The following DNAJC1 variants were observed in gnomAD, a reference collection of about 807,000 sequenced individuals.
DNAJC1 encodes DnaJ heat shock protein family (Hsp40) member C1.
Under a neutral mutation model 76.6 loss-of-function variants are expected in DNAJC1, and 58 were observed. The observed-to-expected ratio is 0.76, with a 90% CI of 0.61 to 0.94. The LOEUF is 0.94. Among genes scored for constraint, DNAJC1 ranks in the 40% least tolerant of loss-of-function variants. DNAJC1 has a pLI of 0.00. For missense variants in DNAJC1, 689 were observed against 677.3 expected, an observed-to-expected ratio of 1.02 and a Z score of -0.19; for synonymous variants, 258 against 267.9, an observed-to-expected ratio of 0.96 and a Z score of 0.36.
At chr10:21,899,717 G>C (rs1836614149) in intron 7 of DNAJC1, among the ~76,000 whole-genome samples, 1 of 152,218 alleles carries the variant, frequency 6.6e-6, no homozygotes, top group Non-Finnish European at 1.5e-5. Flanking sequence ...AATGGGATCA[G>C]GGACCTACTT....
intron 8 of DNAJC1, among the ~76,000 whole-genome samples, chr10:21,819,037 A>G (rs986140187): frequency 3.9e-5 from 6 of 152,232 alleles, no homozygotes; most frequent in Non-Finnish European, 8.8e-5. Flanking sequence ...GACTAACATG[A>G]CACTAATAGA....
At chr10:21,813,026 T>TAC (rs149245778) in intron 8 of DNAJC1, among the ~76,000 whole-genome samples, 35,113 of 132,090 alleles carry the variant, frequency 0.27, 5,519 homozygotes, top group African/African-American at 0.47. Context: ...TACACACACA[T>TAC]ACACACACAC....
At chr10:21,941,708 T>C (rs1223856076) in intron 1 of DNAJC1, among the ~76,000 whole-genome samples, 1 of 152,178 alleles carries the variant, frequency 6.6e-6, no homozygotes, top group Non-Finnish European at 1.5e-5. Flanking sequence ...TGATTTGTGA[T>C]TTGTAATATA....
At chr10:21,802,231 C>T (rs183967171) in intron 9 of DNAJC1, among the ~76,000 whole-genome samples, 1 of 152,130 alleles carries the variant, frequency 6.6e-6, no homozygotes, top group South Asian at 2.1e-4. Flanking sequence ...GAAACTGGTA[C>T]AGCGGCAGTG....
At chr10:21,906,634 T>C (rs1168305428) in intron 6 of DNAJC1, among the ~76,000 whole-genome samples, 5 of 152,092 alleles carry the variant, frequency 3.3e-5, no homozygotes, top group Non-Finnish European at 5.9e-5. Context: ...CAGTGAAATA[T>C]GGTGATTAAG....
intron 9 of DNAJC1, among the ~76,000 whole-genome samples, chr10:21,772,290 T>TTTTTA (rs1345208375): frequency 1.3e-5 from 2 of 150,564 alleles, no homozygotes; most frequent in Non-Finnish European, 3.0e-5. Context: ...TTTTTTTTTT[T>TTTTTA]TTTGAGAGCA....
At chr10:21,999,686 C>T (rs1033874511) in intron 1 of DNAJC1, among the ~76,000 whole-genome samples, 1 of 152,004 alleles carries the variant, frequency 6.6e-6, no homozygotes, top group Non-Finnish European at 1.5e-5. Flanking sequence ...AACTCCTGAC[C>T]TCGTGATCCA....
intron 1 of DNAJC1, among the ~76,000 whole-genome samples, chr10:21,932,938 G>A (rs1026436365): frequency 3.9e-5 from 6 of 152,076 alleles, no homozygotes; most frequent in African/African-American, 1.4e-4. Flanking sequence ...ATGGGGTAAG[G>A]GGTAGCAATT....
At chr10:21,943,216 G>T (rs574521919) in intron 1 of DNAJC1, among the ~76,000 whole-genome samples, 1 of 151,568 alleles carries the variant, frequency 6.6e-6, no homozygotes, top group South Asian at 2.1e-4. Flanking sequence ...AACAGAAAAA[G>T]AACAATTAAA....
At chr10:21,790,660 C>G (rs1407542111) in intron 9 of DNAJC1, among the ~76,000 whole-genome samples, 2 of 152,104 alleles carry the variant, frequency 1.3e-5, no homozygotes, top group African/African-American at 4.8e-5. Flanking sequence ...AGTCCTGCAT[C>G]TGGCAGCAAA....
chr10:21,801,815 G>A (rs1834818146), intron 9 of DNAJC1, among the ~76,000 whole-genome samples: 1 of 152,182 alleles, frequency 6.6e-6, no homozygotes, highest in South Asian at 2.1e-4. Flanking sequence ...CCACAAAAAA[G>A]AATGAGCTCA....
intron 1 of DNAJC1, among the ~76,000 whole-genome samples, chr10:21,947,283 G>T (rs1218486984): frequency 1.3e-5 from 2 of 152,050 alleles, no homozygotes; most frequent in Non-Finnish European, 2.9e-5. Context: ...TTGAACACCA[G>T]GAGTTTGATC....
At chr10:21,827,823 A>G (rs964575067) in intron 8 of DNAJC1, among the ~76,000 whole-genome samples, 1 of 152,224 alleles carries the variant, frequency 6.6e-6, no homozygotes, top group Non-Finnish European at 1.5e-5. Context: ...TGATGACTAC[A>G]TATAATTTAT....
intron 9 of DNAJC1, among the ~76,000 whole-genome samples, chr10:21,799,602 CT>C (rs1280949679): frequency 4.0e-5 from 6 of 151,898 alleles, no homozygotes; most frequent in Admixed American, 1.3e-4. Flanking sequence ...TGCACTTTGC[CT>C]TTTTTTTCTT....
intron 6 of DNAJC1, among the ~76,000 whole-genome samples, chr10:21,915,663 G>A (rs2131762035): frequency 6.6e-6 from 1 of 152,182 alleles, no homozygotes; most frequent in African/African-American, 2.4e-5. Flanking sequence ...AAACCTCCTA[G>A]TGGTAGTTAT....
At chr10:21,911,037 G>GAGAAAGGA (rs1836850632) in intron 6 of DNAJC1, among the ~76,000 whole-genome samples, 1 of 108,404 alleles carries the variant, frequency 9.2e-6, no homozygotes, top group Non-Finnish European at 1.8e-5. Context: ...AAGAAAGAGA[G>GAGAAAGGA]AGAAAGGAAG....
chr10:21,946,471 T>C (rs758717521), intron 1 of DNAJC1, among the ~76,000 whole-genome samples: 3 of 152,042 alleles, frequency 2.0e-5, no homozygotes, highest in Non-Finnish European at 4.4e-5. Flanking sequence ...TAAAAGATAA[T>C]GTATCTTTAT....
intron 1 of DNAJC1, among the ~76,000 whole-genome samples, chr10:21,939,856 T>C (rs908539163): frequency 1.3e-5 from 2 of 151,254 alleles, no homozygotes; most frequent in Non-Finnish European, 2.9e-5. Context: ...GCTAAACTCT[T>C]ACTAATGACT....
At chr10:21,813,066 T>C (rs933184713) in intron 8 of DNAJC1, among the ~76,000 whole-genome samples, 2 of 121,990 alleles carry the variant, frequency 1.6e-5, no homozygotes, top group African/African-American at 6.4e-5. Flanking sequence ...TATATACATA[T>C]ATACATATAT....
Sources: allele counts gnomAD v4.1 joint callset (sites outside exome capture counted in the v4.1 genomes callset), GRCh38; gene constraint gnomAD v4.1.1; transcripts MANE v1.5; gene names NCBI Gene and HGNC (gene_info 2026-07-23, HGNC 2026-07-21).